APBB2: variants seen among roughly 807,000 people sequenced by gnomAD.
APBB2 encodes the protein amyloid beta precursor protein binding family B member 2, also known as Fe65-like 1.
APBB2 carries 38 observed loss-of-function variants against 82.5 expected under a neutral mutation model. The ratio of observed to expected loss-of-function variants is 0.46; its 90% CI spans 0.36 to 0.60. The LOEUF (loss-of-function observed/expected upper bound fraction) is 0.60. Ranked by LOEUF, APBB2 falls within the 20% of genes least tolerant of loss-of-function variation. The pLI, the probability that APBB2 is intolerant of heterozygous loss-of-function variation, is 0.00. For synonymous variants in APBB2, 341 were observed against 368.2 expected (o/e 0.93, Z 0.85); for missense variants, 772 against 972.3 (o/e 0.79, Z 2.74).
At chr4:40,895,365 A>G (rs1392346313) in intron 10 of APBB2, among the ~76,000 whole-genome samples, 1 of 152,204 alleles carries the variant, frequency 6.6e-6, no homozygotes. Flanking sequence ...CACAGAAGCT[A>G]CTCAGGAGTC....
chr4:41,079,051 C>T lies in APBB2; in HGVS notation c.-148-13378G>A, dbSNP rs60496689. Among the ~76,000 whole-genome samples the T allele has an allele frequency of 4.6e-4, 70 of 152,308 alleles. 1 individual carries two copies. The South Asian group carries it at 0.013, about 28-fold the overall frequency. The stretch of plus-strand genomic sequence containing the variant: ...ATGGGTGAGGGCAATGGCAACAACA[C>T]CCACTGCTCAGAGGCAGCAAAGGCT... On this transcript the variant is annotated intron_variant, in intron 3 of 17. Coordinates refer to ENST00000508593, the MANE Select transcript of APBB2 (RefSeq NM_004307.2).
At chr4:40,913,762 G>C (rs1012740996) in intron 10 of APBB2, among the ~76,000 whole-genome samples, 16 of 152,036 alleles carry the variant, frequency 1.1e-4, no homozygotes, top group African/African-American at 2.4e-5. Flanking sequence ...TCACATTTTC[G>C]TGCCCTTTAG....
At chr4:41,082,440 A>T (rs1474594021) in intron 3 of APBB2, among the ~76,000 whole-genome samples, 8 of 152,202 alleles carry the variant, frequency 5.3e-5, no homozygotes, top group Non-Finnish European at 1.2e-4. Context: ...CTTGGAGGAT[A>T]TATAGCTGAG....
At chr4:40,906,627 C>G (rs1359281107) in intron 10 of APBB2, among the ~76,000 whole-genome samples, 1 of 152,052 alleles carries the variant, frequency 6.6e-6, no homozygotes, top group African/African-American at 2.4e-5. Flanking sequence ...TTATTAGTTA[C>G]CTAACTTAAT....
rs376320203 is a variant in APBB2 at position 40,815,214 on chromosome 4, TGAG to T, written c.*875_*877del. 31 of 152,768 alleles carry T rather than the reference TGAG, an allele frequency of 2.0e-4. No individual in the cohort carries two copies. Among genetic ancestry groups the T allele is most frequent in the African/African-American group, 7.5e-4 (31 of 41,574 alleles). 9.5% of individuals were successfully genotyped at this position (152,768 alleles called of 1,614,324 possible). ...TCTCAAACTAAGGATGAAAGGCTGA[TGAG>T]GAGTATTTCATCTTAATGTTTATGT... On this transcript the variant is annotated 3_prime_UTR_variant, in exon 18 of 18. Coordinates refer to ENST00000508593, the MANE Select transcript of APBB2 (RefSeq NM_004307.2).
At chr4:41,101,442 A>T (rs1457663381) in intron 2 of APBB2, among the ~76,000 whole-genome samples, 1 of 124,250 alleles carries the variant, frequency 8.0e-6, no homozygotes, top group Non-Finnish European at 1.6e-5. Context: ...CCGCAGTCCG[A>T]CCTGGGCGAC....
intron 1 of APBB2, among the ~76,000 whole-genome samples, chr4:41,181,218 A>T (rs889866571): frequency 6.6e-6 from 1 of 152,172 alleles, no homozygotes; most frequent in African/African-American, 2.4e-5. Context: ...CTGTTTCACC[A>T]AGCCATTGTG....
At chr4:40,946,353 G>A (rs536853796) in intron 6 of APBB2, among the ~76,000 whole-genome samples, 2 of 152,080 alleles carry the variant, frequency 1.3e-5, no homozygotes, top group East Asian at 3.9e-4. Context: ...GAAGCAGAGT[G>A]TGAGAGACAA....
chr4:40,847,738 G>A (rs1758105053), intron 12 of APBB2, among the ~76,000 whole-genome samples: 1 of 151,866 alleles, frequency 6.6e-6, no homozygotes, highest in African/African-American at 2.4e-5. Context: ...GTTCAAAGGA[G>A]TACTAGGGTA....
intron 12 of APBB2, among the ~76,000 whole-genome samples, chr4:40,875,015 TG>T (rs1475920339): frequency 1.3e-5 from 2 of 152,178 alleles, no homozygotes; most frequent in Non-Finnish European, 2.9e-5. Flanking sequence ...GTGACATTTT[TG>T]GTAGTTAAGT....
rs542107205 is a variant in APBB2 at position 40,887,359 on chromosome 4, T to C, written c.1529+3005A>G. Among the ~76,000 whole-genome samples the C allele has an allele frequency of 2.0e-5, 3 of 152,312 alleles. No homozygotes were observed. The East Asian group carries it at 5.8e-4, about 29-fold the overall frequency. ...TCATGTCTGGTATAATACACACTTC[T>C]CTTATTCATTTTAACCACATCAAGA... On this transcript the variant is annotated intron_variant, in intron 12 of 17. Coordinates refer to ENST00000508593, the MANE Select transcript of APBB2 (RefSeq NM_004307.2).
Position 41,127,409 on chromosome 4 carries a change from TCTCA to T in APBB2, c.-261+15574_-261+15577del, listed in dbSNP as rs1420723079. ...GAAGGCAATTGCAAAAAAATTTCAT[TCTCA>T]CTCACTTCACATGTGCCTTTTCATG... On this transcript the variant is annotated intron_variant, in intron 2 of 17. Coordinates refer to ENST00000508593, the MANE Select transcript of APBB2 (RefSeq NM_004307.2). This position sits in a 1 kb window ranked among gnomAD's most constrained non-coding sequence, Gnocchi z 4.8. Among the ~76,000 whole-genome samples, 2 of 152,218 alleles carry T rather than the reference TCTCA, an allele frequency of 1.3e-5. No individual in the cohort carries two copies. The highest frequency in any genetic ancestry group is 2.4e-5 in the African/African-American group (1 of 41,458).
intron 3 of APBB2, among the ~76,000 whole-genome samples, chr4:41,075,475 G>C (rs985714014): frequency 5.9e-5 from 9 of 152,184 alleles, no homozygotes; most frequent in Non-Finnish European, 1.0e-4. Flanking sequence ...TGGGTGATTT[G>C]AGCATGGGAA....
At chr4:41,194,859 TTC>T in intron 1 of APBB2, among the ~76,000 whole-genome samples, 1 of 152,190 alleles carries the variant, frequency 6.6e-6, no homozygotes, top group Non-Finnish European at 1.5e-5. Context: ...TTTTAATTTT[TTC>T]TTTTTTTATT....
intron 4 of APBB2, among the ~76,000 whole-genome samples, chr4:41,060,399 G>A (rs964428047): frequency 6.6e-6 from 1 of 151,992 alleles, no homozygotes; most frequent in Non-Finnish European, 1.5e-5. Context: ...TCATCCATTC[G>A]ATATATATTA....
At chr4:41,160,262 C>T (rs368706794) in intron 1 of APBB2, among the ~76,000 whole-genome samples, 9 of 152,206 alleles carry the variant, frequency 5.9e-5, no homozygotes, top group East Asian at 1.9e-4. Flanking sequence ...AAGGAAATGA[C>T]GGAAGCCCAT....
At chr4:40,993,885 C>T (rs1171803047) in intron 6 of APBB2, among the ~76,000 whole-genome samples, 1 of 152,130 alleles carries the variant, frequency 6.6e-6, no homozygotes, top group East Asian at 1.9e-4. Flanking sequence ...CTGAGCCATG[C>T]TTCTCAAATG....
Position 40,825,875 on chromosome 4 carries a change from C to T in APBB2, c.1816+12G>A. ...ACTTGCAAAGTGGAAAGACAATAAA[C>T]ATTTCACATACCGACTGGTTTGTCT... On this transcript the variant is annotated intron_variant, in intron 15 of 17. Transcript: ENST00000508593. 1 of 1,611,960 alleles carries T rather than the reference C, an allele frequency of 6.2e-7. No homozygotes were observed. The highest frequency in any genetic ancestry group is 1.7e-5 in the Admixed American group (1 of 60,028).
intron 12 of APBB2, 78 bp downstream of exon 12, chr4:40,890,286 T>C: frequency 6.6e-7 from 1 of 1,522,972 alleles, no homozygotes; most frequent in Non-Finnish European, 8.8e-7. Context: ...CGTGAAATGC[T>C]GCGAGCCCAT....
Sources: gnomAD v4.1 joint callset for allele counts (sites outside exome capture counted in the v4.1 genomes callset) on GRCh38, gnomAD v4.1.1 for gene constraint, Gnocchi (gnomAD v3.1) non-coding constraint, MANE v1.5 for transcripts, NCBI Gene and HGNC (gene_info 2026-07-23, HGNC 2026-07-21) for gene names.